The following DDX60 variants were observed in gnomAD, a reference collection of about 807,000 sequenced individuals.
DDX60 encodes the protein DExD/H-box helicase 60.
DDX60 carries 165 observed loss-of-function variants against 212.8 expected under a neutral mutation model. That is an observed-to-expected ratio of 0.78 (90% confidence interval 0.68 to 0.88). The LOEUF is 0.88. DDX60 is among the 40% of genes least tolerant of loss of function. The probability of loss-of-function intolerance (pLI) is 0.00; values close to 1 mark genes in which losing one functional copy is unlikely to be tolerated. For missense variants in DDX60, 1,905 were observed against 2,003.9 expected (o/e 0.95, Z 0.94); for synonymous variants, 703 against 685.3 (o/e 1.03, Z -0.40).
At chr4:168,321,479 T>C (rs1737609931), upstream of DDX60, among the ~76,000 whole-genome samples, 1 of 152,248 alleles carries the variant, frequency 6.6e-6, no homozygotes, top group African/African-American at 2.4e-5. Context: ...ATCAAATGTA[T>C]TATTTAACAA....
chr4:168,275,953 A>T (rs1280653823), intron 15 of DDX60, 62 bp downstream of exon 15: 12 of 1,403,210 alleles, frequency 8.6e-6, no homozygotes, highest in Non-Finnish European at 5.6e-6. Flanking sequence ...CTATCTTTGC[A>T]AAACACTTTA....
At chr4:168,268,773 C>T (rs78316790) in intron 20 of DDX60, 81 bp downstream of exon 20, 12,818 of 785,852 alleles carry the variant, frequency 0.016, 156 homozygotes, top group Middle Eastern at 0.023. Flanking sequence ...TATGAAACTC[C>T]TCAGAATCCA....
chr4:168,259,577 C>G (rs927430276), intron 25 of DDX60, among the ~76,000 whole-genome samples: 1 of 151,740 alleles, frequency 6.6e-6, no homozygotes, highest in African/African-American at 2.4e-5. Flanking sequence ...TTCCACCTAA[C>G]AAAGACTCTG....
chr4:168,260,898 C>T lies in DDX60; in HGVS notation c.3365G>A (p.Arg1122Lys). The T allele has an allele frequency of 6.2e-7, 1 of 1,608,618 alleles. No individual in the cohort carries two copies. The highest frequency in any genetic ancestry group is 8.5e-7 in the Non-Finnish European group (1 of 1,176,792). The change falls in exon 25 of 38, where the codon AGG becomes AAG. Residue 1122 changes from arginine to lysine, a missense_variant. By Grantham distance (26) the Arg-to-Lys change is conservative. Transcript: ENST00000393743. ...TAGTGCAGGTAACTTCTCCATTTTC[C>T]TTAGTTTTTCAACTAGAAGTGGAAA... ...TMFPLLVEKL[R>K]KMEKLPALFF...
chr4:168,296,871 G>T (rs895493556), intron 6 of DDX60, among the ~76,000 whole-genome samples: 1 of 135,202 alleles, frequency 7.4e-6, no homozygotes, highest in African/African-American at 2.9e-5. Flanking sequence ...TACAAAAAGT[G>T]ATCTTTTTTT....
Position 168,262,727 on chromosome 4 carries a change from A to G in DDX60, c.3100T>C (p.Tyr1034His). 1 of 1,612,766 alleles carries G rather than the reference A, an allele frequency of 6.2e-7. No individual in the cohort carries two copies. Among genetic ancestry groups the G allele is most frequent in the Non-Finnish European group, 8.5e-7 (1 of 1,179,244 alleles). The change falls in exon 23 of 38, where the codon TAT becomes CAT. Residue 1034 changes from tyrosine (Y) to histidine (H), a missense_variant. Transcript: ENST00000393743. ...TTCCAAATTTGAAACATGGCATCAT[A>G]CAGCTGGATGCTTTCTCGAGGTGAA... ...TLSPRESIQL[Y>H]DAMFQIWKSW... is the part of the protein sequence containing the mutation.
intron 6 of DDX60, among the ~76,000 whole-genome samples, chr4:168,301,939 G>A (rs181812940): frequency 1.1e-4 from 17 of 152,282 alleles, no homozygotes; most frequent in Admixed American, 2.0e-4. Context: ...TTACTGATTC[G>A]CAGTCTTCAA....
chr4:168,226,671 T>C (rs1038442507), intron 33 of DDX60, among the ~76,000 whole-genome samples: 1 of 152,154 alleles, frequency 6.6e-6, no homozygotes, highest in East Asian at 1.9e-4. Flanking sequence ...TTACAAACAA[T>C]ACAATTCTAT....
At chr4:168,222,255 G>A (rs3792713) in intron 35 of DDX60, among the ~76,000 whole-genome samples, 18,856 of 151,986 alleles carry the variant, frequency 0.12, 1,692 homozygotes, top group African/African-American at 0.24. Context: ...TCACAAGAAA[G>A]GAATTCAATT....
intron 13 of DDX60, among the ~76,000 whole-genome samples, chr4:168,283,077 T>C (rs1735663493): frequency 6.6e-6 from 1 of 152,110 alleles, no homozygotes; most frequent in Non-Finnish European, 1.5e-5. Flanking sequence ...CTTTATAATT[T>C]AGAAAAAAAG....
intron 6 of DDX60, among the ~76,000 whole-genome samples, chr4:168,299,157 C>CA (rs1197872492): frequency 0.025 from 1,526 of 61,884 alleles, 135 homozygotes; most frequent in African/African-American, 0.041. Flanking sequence ...GAGACTGTCT[C>CA]AAAAAAAAAA....
At chr4:168,235,506 A>G (rs1412106803) in intron 33 of DDX60, among the ~76,000 whole-genome samples, 1 of 152,174 alleles carries the variant, frequency 6.6e-6, no homozygotes, top group Non-Finnish European at 1.5e-5. Flanking sequence ...TAAAGATGAT[A>G]GGTCAATGAC....
At chr4:168,255,639 T>C (rs967412849) in intron 26 of DDX60, 72 bp downstream of exon 26, 180 of 1,303,980 alleles carry the variant, frequency 1.4e-4, no homozygotes, top group Non-Finnish European at 1.8e-4. Flanking sequence ...ACATATTCAA[T>C]TTACGTTTCC....
At chr4:168,298,677 C>CA (rs963532135) in intron 6 of DDX60, among the ~76,000 whole-genome samples, 1 of 151,548 alleles carries the variant, frequency 6.6e-6, no homozygotes, top group Non-Finnish European at 1.5e-5. Flanking sequence ...GACAGCTGGA[C>CA]AAAAAAATAA....
At chr4:168,271,171 C>A (rs965518696) in intron 19 of DDX60, among the ~76,000 whole-genome samples, 1 of 152,216 alleles carries the variant, frequency 6.6e-6, no homozygotes, top group Non-Finnish European at 1.5e-5. Context: ...AGCCACCGCA[C>A]CTGACCAATA....
At position 168,295,395 on chromosome 4, in the gene DDX60, G is replaced by A. The variant is rs116896721; in HGVS notation, c.724-1450C>T. On this transcript the variant is annotated intron_variant, in intron 6 of 37. Transcript: ENST00000393743. ...TTAGGAGTATGTTCTTGTAACAGTC[G>A]CTGTCTTGGCCAATCCCTTACTTCA... Among the ~76,000 whole-genome samples the A allele has an allele frequency of 1.3e-3, 204 of 152,264 alleles. 1 individual carries two copies. Among genetic ancestry groups the A allele is most frequent in the East Asian group, 0.012 (63 of 5,182 alleles).
At chr4:168,304,768 A>T (rs1736803924) in intron 5 of DDX60, among the ~76,000 whole-genome samples, 1 of 152,230 alleles carries the variant, frequency 6.6e-6, no homozygotes, top group South Asian at 2.1e-4. Context: ...TGTCAAAAAA[A>T]TTTTGAAAAT....
At chr4:168,237,597 T>C (rs1365975325) in intron 31 of DDX60, 94 bp downstream of exon 31, 20 of 1,230,816 alleles carry the variant, frequency 1.6e-5, no homozygotes, top group Non-Finnish European at 2.3e-5. Context: ...AATCATTGGA[T>C]AGAACCTTCT....
intron 1 of DDX60, among the ~76,000 whole-genome samples, chr4:168,316,683 T>C (rs530695408): frequency 6.6e-6 from 1 of 152,182 alleles, no homozygotes; most frequent in East Asian, 1.9e-4. Flanking sequence ...AATATCACCA[T>C]TTTACAACTC....
Sources: gnomAD v4.1 joint callset for allele counts (sites outside exome capture counted in the v4.1 genomes callset) on GRCh38, gnomAD v4.1.1 for gene constraint, MANE v1.5 for transcripts, NCBI Gene and HGNC (gene_info 2026-07-23, HGNC 2026-07-21) for gene names.